The following COL21A1 variants were observed in gnomAD, a reference collection of about 807,000 sequenced individuals.
The protein encoded by COL21A1 is collagen alpha-1(XXI) chain.
In COL21A1, 149 loss-of-function variants were observed where a neutral mutation model predicts 137.9. The observed-to-expected ratio is 1.08, with a 90% confidence interval of 0.95 to 1.24. The LOEUF is 1.24. COL21A1 is among the 50% of genes most tolerant of loss of function. The pLI is 0.00. For synonymous variants in COL21A1, 456 were observed against 391.5 expected, an observed-to-expected ratio of 1.16 and a Z score of -1.95; for missense variants, 1,167 against 1,158.4, an observed-to-expected ratio of 1.01 and a Z score of -0.11.
chr6:56,187,261 C>A (rs1014318528), intron 1 of COL21A1, among the ~76,000 whole-genome samples: 2 of 152,002 alleles, frequency 1.3e-5, no homozygotes, highest in African/African-American at 4.8e-5. Flanking sequence ...GATAACTAAC[C>A]CACTCCCATG....
chr6:56,116,114 G>T (rs1006528974), intron 16 of COL21A1, among the ~76,000 whole-genome samples: 1 of 151,914 alleles, frequency 6.6e-6, no homozygotes, highest in Admixed American at 6.6e-5. Context: ...TATTCAAAGG[G>T]TTAACAGAGA....
At chr6:56,339,120 T>A (rs72873664) in intron 1 of COL21A1, among the ~76,000 whole-genome samples, 7,745 of 151,984 alleles carry the variant, frequency 0.051, 278 homozygotes, top group Non-Finnish European at 0.076. Flanking sequence ...CTGCATCACT[T>A]CCCCCCAGGA....
chr6:56,288,534 TCCCTGTTTTC>T (rs944611672), intron 1 of COL21A1, among the ~76,000 whole-genome samples: 3 of 152,190 alleles, frequency 2.0e-5, no homozygotes, highest in Non-Finnish European at 4.4e-5. Flanking sequence ...GAAGTCACAC[TCCCTGTTTTC>T]ACACTACACT....
intron 1 of COL21A1, among the ~76,000 whole-genome samples, chr6:56,386,274 A>AGG (rs2094018063): frequency 6.6e-6 from 1 of 151,926 alleles, no homozygotes; most frequent in Non-Finnish European, 1.5e-5. Flanking sequence ...GCTGAATAAT[A>AGG]CCCCATTGTA....
intron 1 of COL21A1, among the ~76,000 whole-genome samples, chr6:56,201,327 T>A (rs190693891): frequency 6.6e-6 from 1 of 152,318 alleles, no homozygotes; most frequent in Admixed American, 6.5e-5. Context: ...CATTTGTCAA[T>A]TTTGGCTTTT....
intron 1 of COL21A1, among the ~76,000 whole-genome samples, chr6:56,268,839 G>C (rs1763456073): frequency 6.6e-6 from 1 of 152,322 alleles, no homozygotes; most frequent in African/African-American, 2.4e-5. Flanking sequence ...AGCTCACTGA[G>C]ATGCAGGAGA....
At position 56,166,786 on chromosome 6, in the gene COL21A1, CATT is replaced by C. The variant is rs774928573; in HGVS notation, c.1278+117_1278+119del. 6 of 806,966 alleles carry C rather than the reference CATT, an allele frequency of 7.4e-6. No individual in the cohort carries two copies. The South Asian group carries it at 8.8e-5, about 12-fold the overall frequency. The allele number at this position is 806,966 out of a possible 1,614,324, so 50.0% of individuals were successfully genotyped here. A position where few individuals can be genotyped will look rare whatever the true frequency, so the allele number is the denominator to read the frequency against. On this transcript the variant is annotated intron_variant, in intron 7 of 29. Coordinates refer to ENST00000244728, the MANE Select transcript of COL21A1 (RefSeq NM_030820.4). ...CTTCATGTAACTTCACTTCCACTAA[CATT>C]AAAAAATAAAATTAAGTCTACATAT...
At chr6:56,363,818 T>G (rs1366626545) in intron 1 of COL21A1, among the ~76,000 whole-genome samples, 1 of 152,196 alleles carries the variant, frequency 6.6e-6, no homozygotes, top group African/African-American at 2.4e-5. Flanking sequence ...AAGGGGACTG[T>G]GCCTTCCTTG....
intron 1 of COL21A1, among the ~76,000 whole-genome samples, chr6:56,253,708 T>C (rs1387997427): frequency 6.6e-6 from 1 of 152,238 alleles, no homozygotes; most frequent in Non-Finnish European, 1.5e-5. Context: ...ATTCAGATAC[T>C]GAAAGACTCT....
intron 16 of COL21A1, among the ~76,000 whole-genome samples, chr6:56,104,941 A>AACT: frequency 6.6e-6 from 1 of 152,314 alleles, no homozygotes; most frequent in Admixed American, 6.5e-5. Context: ...ACTGATCATG[A>AACT]AAATATAGTT....
intron 1 of COL21A1, among the ~76,000 whole-genome samples, chr6:56,292,689 T>C (rs1487052134): frequency 3.3e-5 from 5 of 152,156 alleles, no homozygotes; most frequent in African/African-American, 1.2e-4. Flanking sequence ...ATGACCTTCT[T>C]AGGGGCATCA....
intron 12 of COL21A1, 133 bp downstream of exon 12, chr6:56,141,652 C>G (rs1250321964): frequency 1.2e-6 from 1 of 844,504 alleles, no homozygotes; most frequent in Middle Eastern, 2.6e-4. Flanking sequence ...TGTCTAATAG[C>G]CACTGACAAA....
intron 20 of COL21A1, among the ~76,000 whole-genome samples, chr6:56,071,234 G>T (rs1582242907): frequency 6.6e-6 from 1 of 151,596 alleles, no homozygotes; most frequent in South Asian, 2.1e-4. Context: ...AATGCACAAT[G>T]GCTTTTTTTG....
intron 1 of COL21A1, among the ~76,000 whole-genome samples, chr6:56,279,024 G>A (rs916408868): frequency 6.6e-6 from 1 of 152,158 alleles, no homozygotes; most frequent in Non-Finnish European, 1.5e-5. Flanking sequence ...ATGTTGAATT[G>A]TAACCCCCAA....
chr6:56,105,455 T>G (rs564226884), intron 16 of COL21A1, among the ~76,000 whole-genome samples: 52 of 152,312 alleles, frequency 3.4e-4, no homozygotes, highest in Admixed American at 3.4e-3. Context: ...TGAACTGCTA[T>G]AGTTTGTCAT....
intron 1 of COL21A1, among the ~76,000 whole-genome samples, chr6:56,209,477 C>A (rs1780013670): frequency 6.6e-6 from 1 of 152,060 alleles, no homozygotes; most frequent in Non-Finnish European, 1.5e-5. Flanking sequence ...AAGGATATGA[C>A]CAGACACTTC....
In COL21A1 at chr6:56,057,786, A is replaced by G. The variant is rs144408375; in HGVS notation, c.2745T>C (p.Pro915=). 11,537 of 1,605,636 alleles carry G rather than the reference A, an allele frequency of 7.2e-3. 49 individuals carry two copies. Among genetic ancestry groups the G allele is most frequent in the Middle Eastern group, 0.012 (73 of 5,972 alleles). ...GTTTTCCATGGTCTCCATCTTTGCC[A>G]GGGAGACCTGGGTCTCCTGGAGGAC... ...KEGPPGDPGL[P]GKDGDHGKPG... is the part of the protein sequence containing the mutation. The change falls in exon 30 of 30, where the codon CCT becomes CCC. Residue 915 remains proline (P), a synonymous_variant. Coordinates refer to ENST00000244728, the MANE Select transcript of COL21A1 (RefSeq NM_030820.4).
intron 1 of COL21A1, among the ~76,000 whole-genome samples, chr6:56,237,574 G>A (rs1344706323): frequency 6.6e-6 from 1 of 152,038 alleles, no homozygotes; most frequent in Admixed American, 6.6e-5. Flanking sequence ...AAGGAGATTT[G>A]GAACTCAACT....
chr6:56,217,883 T>C (rs562343743), intron 1 of COL21A1, among the ~76,000 whole-genome samples: 1 of 152,196 alleles, frequency 6.6e-6, no homozygotes, highest in South Asian at 2.1e-4. Flanking sequence ...GCACCAGGTA[T>C]GTGATCCTCC....
Sources: gnomAD v4.1 joint callset for allele counts (sites outside exome capture counted in the v4.1 genomes callset) on GRCh38, gnomAD v4.1.1 for gene constraint, MANE v1.5 for transcripts, NCBI Gene and HGNC (gene_info 2026-07-23, HGNC 2026-07-21) for gene names.